Variants in MTDH observed in about 807,000 individuals in gnomAD.
The protein encoded by MTDH is protein LYRIC.
MTDH carries 34 observed loss-of-function variants against 72.7 expected under a neutral mutation model. The observed-to-expected ratio is 0.47, with a 90% CI of 0.36 to 0.62. The LOEUF (loss-of-function observed/expected upper bound fraction) is 0.62. Ranked by LOEUF, MTDH falls within the 20% of genes least tolerant of loss-of-function variation. The pLI is 0.00. For synonymous variants in MTDH, 266 were observed against 268.9 expected, an observed-to-expected ratio of 0.99 and a Z score of 0.10; for missense variants, 677 against 699.4, an observed-to-expected ratio of 0.97 and a Z score of 0.36.
At chr8:97,663,748 CAAAAAAAAAAAA>C (rs36101443) in intron 2 of MTDH, among the ~76,000 whole-genome samples, 2 of 85,990 alleles carry the variant, frequency 2.3e-5, no homozygotes, top group East Asian at 2.9e-4. Flanking sequence ...GACTCTGTCT[CAAAAAAAAAAAA>C]AAAAAAAAGA....
chr8:97,697,146 A>ATATATTTTATTTTT (rs1813881527), intron 6 of MTDH, among the ~76,000 whole-genome samples: 1 of 68,940 alleles, frequency 1.5e-5, no homozygotes, highest in Admixed American at 1.4e-4. Context: ...ATATATATAT[A>ATATATTTTATTTTT]TATATTTTTT....
chr8:97,717,504 C>G (rs1169003736), intron 9 of MTDH, among the ~76,000 whole-genome samples: 1 of 152,130 alleles, frequency 6.6e-6, no homozygotes, highest in African/African-American at 2.4e-5. Context: ...GGCATGAGGC[C>G]CACGCCACCC....
At position 97,644,575 on chromosome 8, in the gene MTDH, A is replaced by T. The variant is rs767299616; in HGVS notation, c.69A>T (p.Glu23Asp). The T allele has an allele frequency of 1.2e-6, 2 of 1,607,044 alleles. No individual in the cohort carries two copies. The highest frequency in any genetic ancestry group is 2.7e-5 in the African/African-American group (2 of 74,444). The change falls in exon 1 of 12, where the codon GAA (glutamate) becomes GAT (aspartate). Residue 23 changes from glutamate (E) to aspartate (D), a missense_variant. Transcript: ENST00000336273. ...QAEEGSARLR[E>D]MLSVGLGFLR... ...AGGAGGGCTCGGCCCGGCTGCGGGAAATGCTCTCGGTCGGCCTAGGCTTTC... is the reference window on the plus strand; with the variant it reads ...AGGAGGGCTCGGCCCGGCTGCGGGATATGCTCTCGGTCGGCCTAGGCTTTC...
chr8:97,720,129 A>G (rs1363557492), intron 10 of MTDH, among the ~76,000 whole-genome samples: 6 of 152,042 alleles, frequency 3.9e-5, no homozygotes, highest in Admixed American at 1.3e-4. Flanking sequence ...TACTAAAAAT[A>G]CAAAAATTGG....
At chr8:97,712,977 T>C (rs1407439467) in intron 8 of MTDH, among the ~76,000 whole-genome samples, 3 of 152,250 alleles carry the variant, frequency 2.0e-5, no homozygotes, top group Non-Finnish European at 2.9e-5. Context: ...TAGCTTGTTA[T>C]TTCATTCCTT....
intron 2 of MTDH, among the ~76,000 whole-genome samples, chr8:97,678,484 A>G (rs1396748467): frequency 6.6e-6 from 1 of 152,096 alleles, no homozygotes; most frequent in African/African-American, 2.4e-5. Context: ...CATTGACTCT[A>G]TTATAGCAAA....
chr8:97,658,692 T>C (rs1015567065), intron 1 of MTDH, among the ~76,000 whole-genome samples: 1 of 152,102 alleles, frequency 6.6e-6, no homozygotes, highest in African/African-American at 2.4e-5. Flanking sequence ...GTTTTGTGAG[T>C]TGCCAGTTGA....
chr8:97,649,764 T>C (rs1165807089), intron 1 of MTDH, among the ~76,000 whole-genome samples: 4 of 151,502 alleles, frequency 2.6e-5, no homozygotes, highest in African/African-American at 9.7e-5. Context: ...ATACCACACC[T>C]GGTTATTTTT....
At chr8:97,708,264 C>CTTTTTTTTTTTTTTT (rs71271145) in intron 8 of MTDH, among the ~76,000 whole-genome samples, 1 of 32,072 alleles carries the variant, frequency 3.1e-5, no homozygotes, top group African/African-American at 1.8e-4. Flanking sequence ...CATGCCAGGC[C>CTTTTTTTTTTTTTTT]TTTTTTTTTT....
chr8:97,692,272 CAT>C (rs548992331), intron 6 of MTDH, among the ~76,000 whole-genome samples: 13 of 152,220 alleles, frequency 8.5e-5, no homozygotes, highest in Non-Finnish European at 1.9e-4. Flanking sequence ...AACATTGTAA[CAT>C]AAACATTTTC....
intron 1 of MTDH, among the ~76,000 whole-genome samples, chr8:97,651,689 A>G (rs1274902351): frequency 6.6e-6 from 1 of 152,188 alleles, no homozygotes; most frequent in East Asian, 1.9e-4. Flanking sequence ...ATGGGGAACA[A>G]CTGTATATTA....
At chr8:97,674,565 C>G (rs144314726) in intron 2 of MTDH, among the ~76,000 whole-genome samples, 2 of 152,218 alleles carry the variant, frequency 1.3e-5, no homozygotes, top group South Asian at 4.1e-4. Context: ...GTGAAGCAAT[C>G]TAAAGTAGGA....
At position 97,718,129 on chromosome 8, in the gene MTDH, G is replaced by A. The variant is rs568180753; in HGVS notation, c.1381-920G>A. 1.8e-3 allele frequency among the ~76,000 whole-genome samples: 273 copies of A among 152,118 alleles called. 1 individual carries two copies. In the South Asian group the frequency reaches 0.023, roughly 13 times the overall value. On this transcript the variant is annotated intron_variant, in intron 9 of 11. Transcript: ENST00000336273. ...TGCAGTGGCGAGATCTGCAACCTCCGCCTTCCAGGTTCAAGTAATTGTCAT... is the reference window on the plus strand; with the variant it reads ...TGCAGTGGCGAGATCTGCAACCTCCACCTTCCAGGTTCAAGTAATTGTCAT...
At chr8:97,683,057 T>C in intron 2 of MTDH, among the ~76,000 whole-genome samples, 1 of 102,068 alleles carries the variant, frequency 9.8e-6, no homozygotes, top group African/African-American at 3.9e-5. Context: ...TTTTTTTTTT[T>C]TTTTTTTTTT....
rs1174584733 is a variant in MTDH at position 97,713,669 on chromosome 8, A to T, written c.1280A>T (p.Asp427Val). ...EPIPDDQKVS[D>V]DDKEKGEGAL... ...TTTTGCTTTTAACCTAAGGTCTCAG[A>T]TGATGATAAAGAAAAGGGAGAGGGA... The change falls in exon 9 of 12, where the codon GAT becomes GTT. Residue 427 changes from aspartate to valine, a missense_variant. This residue lies in a region of MTDH where 201 missense variants were observed against 204.5 expected (regional missense o/e 0.98). Coordinates refer to ENST00000336273, the MANE Select transcript of MTDH (RefSeq NM_178812.4). The T allele has an allele frequency of 6.3e-7, 1 of 1,592,524 alleles. No homozygotes were observed. The highest frequency in any genetic ancestry group is 8.5e-7 in the Non-Finnish European group (1 of 1,171,894).
chr8:97,658,614 C>T (rs762676599), intron 1 of MTDH, among the ~76,000 whole-genome samples: 1 of 152,026 alleles, frequency 6.6e-6, no homozygotes, highest in Non-Finnish European at 1.5e-5. Flanking sequence ...TGGTATATGG[C>T]AGTATATAAG....
intron 2 of MTDH, among the ~76,000 whole-genome samples, chr8:97,685,198 G>A (rs982838409): frequency 4.6e-5 from 7 of 151,394 alleles, no homozygotes; most frequent in Admixed American, 4.6e-4. Flanking sequence ...TTTTTTAAGT[G>A]GATATGAGTC....
Position 97,706,757 on chromosome 8 carries a change from A to C in MTDH, c.1272+7A>C. On this transcript the variant is annotated splice_region_variant and intron_variant, in intron 8 of 11. Coordinates refer to ENST00000336273, the MANE Select transcript of MTDH (RefSeq NM_178812.4). ...AATTCCTGATGATCAAAAGGTGAGT[A>C]TAAGAGATTCCTGGGTGTTTATTTG... 6.2e-7 allele frequency: 1 copy of C among 1,610,652 alleles called. No individual in the cohort carries two copies. The highest frequency in any genetic ancestry group is 8.5e-7 in the Non-Finnish European group (1 of 1,178,630).
chr8:97,645,456 C>A (rs1811530028), intron 1 of MTDH, among the ~76,000 whole-genome samples: 1 of 152,252 alleles, frequency 6.6e-6, no homozygotes, highest in East Asian at 1.9e-4. Flanking sequence ...CTTGTTCTGG[C>A]AAATGTGGCC....
Sources: allele counts gnomAD v4.1 joint callset (sites outside exome capture counted in the v4.1 genomes callset), GRCh38; gene constraint gnomAD v4.1.1; regional missense constraint gnomAD v4.1.1; transcripts MANE v1.5; gene names NCBI Gene and HGNC (gene_info 2026-07-23, HGNC 2026-07-21).